Variants in FOXP4 observed in about 807,000 individuals in gnomAD.
The protein encoded by FOXP4 is forkhead box P4.
In FOXP4, 25 loss-of-function variants were observed where a neutral mutation model predicts 82.6. The observed-to-expected ratio is 0.30, with a 90% CI of 0.22 to 0.42. The LOEUF (loss-of-function observed/expected upper bound fraction) is 0.42. Ranked by LOEUF, FOXP4 falls within the 10% of genes least tolerant of loss-of-function variation. The pLI is 1.00. For synonymous variants in FOXP4, 415 were observed against 388.2 expected (o/e 1.07, Z -0.81); for missense variants, 785 against 900.9 (o/e 0.87, Z 1.65).
rs1766507004 is a variant in FOXP4 at position 41,591,398 on chromosome 6, C to T, written c.1536+76C>T. On this transcript the variant is annotated intron_variant, in intron 13 of 16. Transcript: ENST00000307972. This position sits in a 1 kb window ranked among gnomAD's most constrained non-coding sequence, Gnocchi z 4.2. ...CATATCCCATGGAGACCAAGGCTGC[C>T]TAACAATTAGTTCCCTAAACCATTA... 2 of 1,277,222 alleles carry T rather than the reference C, an allele frequency of 1.6e-6. No homozygotes were observed. The highest frequency in any genetic ancestry group is 2.0e-5 in the Admixed American group (1 of 50,644). The allele number at this position is 1,277,222 out of a possible 1,614,324, so 79.1% of individuals were successfully genotyped here.
intron 5 of FOXP4, among the ~76,000 whole-genome samples, chr6:41,586,064 C>T (rs1235683135): frequency 6.6e-6 from 1 of 152,110 alleles, no homozygotes; most frequent in Non-Finnish European, 1.5e-5. Context: ...AGGCCCTTCT[C>T]CCCTGGGTCC....
rs1454610059 is a variant in FOXP4 at position 41,597,084 on chromosome 6, CCA to C, written c.1659-91_1659-90del. The C allele has an allele frequency of 2.9e-6, 4 of 1,382,888 alleles. No individual in the cohort carries two copies. In the African/African-American group the frequency reaches 5.7e-5, roughly 20 times the overall value. 85.7% of individuals were successfully genotyped at this position (1,382,888 alleles called of 1,614,324 possible). A position where few individuals can be genotyped will look rare whatever the true frequency, so the allele number is the denominator to read the frequency against. On this transcript the variant is annotated intron_variant, in intron 14 of 16. Transcript: ENST00000307972. ...CCGGAATAGGGAATGGGACCCATTC[CCA>C]GCACAGGCCGTTACTTAGTGAGAGT...
intron 16 of FOXP4, among the ~76,000 whole-genome samples, chr6:41,598,503 C>T (rs975782563): frequency 2.0e-5 from 3 of 152,160 alleles, no homozygotes; most frequent in African/African-American, 4.8e-5. Context: ...CATGTGTGAG[C>T]CACCTCGCCT....
chr6:41,578,699 A>C, intron 3 of FOXP4, among the ~76,000 whole-genome samples: 1 of 50,280 alleles, frequency 2.0e-5, no homozygotes, highest in Non-Finnish European at 3.7e-5. Flanking sequence ...GGGGGAGGGG[A>C]GATCTGTGGG....
chr6:41,595,108 AG>A, intron 14 of FOXP4, 117 bp downstream of exon 14: 1 of 1,485,682 alleles, frequency 6.7e-7, no homozygotes. Context: ...GGCTGGGGGA[AG>A]GGGTGTGGGG....
chr6:41,591,160 C>T lies in FOXP4; in HGVS notation c.1435-61C>T. Reference sequence around the variant, plus strand: ...AGGGAGAGGTACTGGGGGAGGGAACCCAGGGCTGTGACCCTTCGAGGCCCA... The same window carrying T: ...AGGGAGAGGTACTGGGGGAGGGAACTCAGGGCTGTGACCCTTCGAGGCCCA... On this transcript the variant is annotated intron_variant, in intron 12 of 16. Coordinates refer to ENST00000307972, the MANE Select transcript of FOXP4 (RefSeq NM_001012426.2). The surrounding 1 kb of genome is among the most constrained non-coding windows in gnomAD (Gnocchi z 4.2). 3 of 1,419,464 alleles carry T rather than the reference C, an allele frequency of 2.1e-6. No homozygotes were observed. The highest frequency in any genetic ancestry group is 2.9e-6 in the Non-Finnish European group (3 of 1,023,886). 87.9% of individuals were successfully genotyped at this position (1,419,464 alleles called of 1,614,324 possible).
chr6:41,598,111 C>T (rs1381958891), intron 16 of FOXP4, among the ~76,000 whole-genome samples, 161 bp downstream of exon 16: 5 of 151,482 alleles, frequency 3.3e-5, no homozygotes, highest in African/African-American at 1.2e-4. Context: ...TCTCAGCCCT[C>T]CCTTGTCCCA....
chr6:41,573,423 C>T (rs1236692118), intron 2 of FOXP4, among the ~76,000 whole-genome samples: 2 of 152,124 alleles, frequency 1.3e-5, no homozygotes, highest in East Asian at 1.9e-4. Flanking sequence ...GGATGCCATC[C>T]GTTATAAGCC....
At chr6:41,595,916 G>T (rs1340181992) in intron 14 of FOXP4, among the ~76,000 whole-genome samples, 1 of 150,678 alleles carries the variant, frequency 6.6e-6, no homozygotes, top group African/African-American at 2.4e-5. Context: ...TTATTTTTTT[G>T]AGACAGAGTC....
At chr6:41,598,021 A>T (rs1304249403) in intron 16 of FOXP4, 71 bp downstream of exon 16, 1 of 1,053,270 alleles carries the variant, frequency 9.5e-7, no homozygotes, top group Non-Finnish European at 1.2e-6. Context: ...GTCATCCCCC[A>T]CCCTGGGTGG....
At chr6:41,562,240 G>A (rs1251965545) in intron 1 of FOXP4, among the ~76,000 whole-genome samples, 3 of 152,162 alleles carry the variant, frequency 2.0e-5, no homozygotes, top group Admixed American at 6.5e-5. Flanking sequence ...TTAGGTGGGC[G>A]GGAGCATGGA....
intron 3 of FOXP4, among the ~76,000 whole-genome samples, chr6:41,583,735 T>C (rs1268618670): frequency 6.6e-6 from 1 of 151,968 alleles, no homozygotes; most frequent in East Asian, 1.9e-4. Context: ...CAAGACAAAA[T>C]AGCAGCTGAG....
intron 13 of FOXP4, among the ~76,000 whole-genome samples, chr6:41,594,547 G>A (rs527424999): frequency 3.1e-4 from 47 of 152,302 alleles, no homozygotes; most frequent in Admixed American, 1.7e-3. Flanking sequence ...TTTGATTAAC[G>A]AAGATGATGA....
At chr6:41,570,767 A>G (rs930874620) in intron 2 of FOXP4, among the ~76,000 whole-genome samples, 2 of 152,150 alleles carry the variant, frequency 1.3e-5, no homozygotes, top group Admixed American at 6.5e-5. Flanking sequence ...AAGGGAGATG[A>G]ATGTTCCTTC....
At chr6:41,556,113 G>A (rs1230623777) in intron 1 of FOXP4, among the ~76,000 whole-genome samples, 2 of 152,006 alleles carry the variant, frequency 1.3e-5, no homozygotes, top group African/African-American at 4.8e-5. Flanking sequence ...AGAGTGACTC[G>A]GGGAGTTAGG....
chr6:41,587,005 C>G lies in FOXP4; in HGVS notation c.511-4C>G. 6.3e-7 allele frequency: 1 copy of G among 1,580,848 alleles called. No homozygotes were observed. Among genetic ancestry groups the G allele is most frequent in the South Asian group, 1.1e-5 (1 of 87,656 alleles). On this transcript the variant is annotated splice_polypyrimidine_tract_variant and splice_region_variant and intron_variant, in intron 5 of 16. Transcript: ENST00000307972. ...TCTGCCCGCCCCCTCGGGCCCCTCA[C>G]CAGGCACTGGGGAACAAGCAGCTGG...
At chr6:41,554,680 C>T (rs1266466028) in intron 1 of FOXP4, among the ~76,000 whole-genome samples, 4 of 151,690 alleles carry the variant, frequency 2.6e-5, no homozygotes, top group African/African-American at 4.8e-5. Flanking sequence ...GCCAACATGG[C>T]GAAACCCCAT....
chr6:41,546,891 G>T (rs1472023057), intron 1 of FOXP4, 24 bp downstream of exon 1: 1 of 150,460 alleles, frequency 6.6e-6, no homozygotes, highest in African/African-American at 2.4e-5. Context: ...CGGGCCCAGG[G>T]ACGTGGGTGG....
chr6:41,575,713 C>T (rs1489288569), intron 2 of FOXP4, among the ~76,000 whole-genome samples: 1 of 150,924 alleles, frequency 6.6e-6, no homozygotes, highest in Non-Finnish European at 1.5e-5. Flanking sequence ...CCACCCCACC[C>T]CAGGAGACTG....
Sources: gnomAD v4.1 joint callset for allele counts (sites outside exome capture counted in the v4.1 genomes callset) on GRCh38, gnomAD v4.1.1 for gene constraint, Gnocchi (gnomAD v3.1) non-coding constraint, MANE v1.5 for transcripts, NCBI Gene and HGNC (gene_info 2026-07-23, HGNC 2026-07-21) for gene names.